Variants in CEP70 observed in about 807,000 individuals in gnomAD.
The protein encoded by CEP70 is centrosomal protein 70, also known as centrosomal protein of 70 kDa.
A neutral mutation model predicts 90.9 loss-of-function variants in CEP70; 70 were observed. That is an observed-to-expected ratio of 0.77 (90% CI 0.64 to 0.94). The LOEUF is 0.94. Among genes scored for constraint, CEP70 ranks in the 40% least tolerant of loss-of-function variants. CEP70 has a pLI of 0.00. For missense variants in CEP70, 648 were observed against 669.0 expected (o/e 0.97, Z 0.35); for synonymous variants, 220 against 228.3 (o/e 0.96, Z 0.33).
chr3:138,581,162 G>A (rs1297380078), intron 2 of CEP70, among the ~76,000 whole-genome samples: 1 of 151,846 alleles, frequency 6.6e-6, no homozygotes, highest in East Asian at 1.9e-4. Flanking sequence ...GCGTGTGCCA[G>A]TAATCCCAGC....
At chr3:138,527,370 G>T (rs978961039) in intron 10 of CEP70, among the ~76,000 whole-genome samples, 2 of 150,670 alleles carry the variant, frequency 1.3e-5, no homozygotes, top group Non-Finnish European at 3.0e-5. Flanking sequence ...ATGAATTTGC[G>T]TGTCATCCTT....
intron 2 of CEP70, among the ~76,000 whole-genome samples, chr3:138,589,526 C>T (rs1368910543): frequency 1.3e-5 from 2 of 151,348 alleles, no homozygotes; most frequent in African/African-American, 4.9e-5. Flanking sequence ...GGTGTGGCAG[C>T]ATACACCTGT....
chr3:138,498,424 G>A (rs2034149475), intron 16 of CEP70, among the ~76,000 whole-genome samples: 3 of 147,642 alleles, frequency 2.0e-5, no homozygotes, highest in Admixed American at 6.9e-5. Context: ...TGCAAGCTCC[G>A]CCTCCCGGGT....
intron 6 of CEP70, among the ~76,000 whole-genome samples, chr3:138,542,270 G>A (rs1185953462): frequency 4.6e-5 from 7 of 152,186 alleles, no homozygotes; most frequent in Non-Finnish European, 7.3e-5. Context: ...AGCAGCTTCC[G>A]CTGTGGGCAC....
chr3:138,507,685 G>A (rs2035110288), intron 12 of CEP70, among the ~76,000 whole-genome samples: 2 of 152,088 alleles, frequency 1.3e-5, no homozygotes, highest in Admixed American at 6.5e-5. Context: ...GAGAATTCAG[G>A]TACGAGTATA....
At position 138,571,095 on chromosome 3, in the gene CEP70, C is replaced by T; in HGVS notation, c.223G>A (p.Glu75Lys). The T allele has an allele frequency of 6.2e-7, 1 of 1,605,824 alleles. No homozygotes were observed. The highest frequency in any genetic ancestry group is 8.5e-7 in the Non-Finnish European group (1 of 1,173,810). ...RMRQNLKLLV[E>K]ETSCQQNMIQ... ...ATGTTCTGTTGACATGATGTTTCTT[C>T]CACCAACAATTTCAAATTCTGTCTC... The change falls in exon 5 of 18, where the codon GAA becomes AAA. Residue 75 changes from glutamate to lysine, a missense_variant. Glu to Lys is a moderately conservative substitution (Grantham distance 56, BLOSUM62 1). Transcript: ENST00000264982.
At chr3:138,580,721 C>T (rs528418477) in intron 2 of CEP70, among the ~76,000 whole-genome samples, 7 of 152,060 alleles carry the variant, frequency 4.6e-5, no homozygotes, top group Non-Finnish European at 1.0e-4. Context: ...TGTGACCTTT[C>T]AGATAGAATT....
chr3:138,590,587 G>A (rs2042331469), intron 2 of CEP70, among the ~76,000 whole-genome samples: 1 of 151,700 alleles, frequency 6.6e-6, no homozygotes, highest in South Asian at 2.1e-4. Context: ...AAAACTAGGA[G>A]GCCAGGCTCA....
At chr3:138,532,201 C>A (rs1167542085) in intron 8 of CEP70, among the ~76,000 whole-genome samples, 2 of 152,092 alleles carry the variant, frequency 1.3e-5, no homozygotes, top group African/African-American at 2.4e-5. Context: ...TGCGGATATA[C>A]TTGGTAACTA....
intron 11 of CEP70, among the ~76,000 whole-genome samples, chr3:138,518,655 G>A (rs2036297863): frequency 6.6e-6 from 1 of 152,314 alleles, no homozygotes; most frequent in Middle Eastern, 3.4e-3. Context: ...CAAACAGGAA[G>A]GACATCCACA....
chr3:138,520,965 C>G lies in CEP70; in HGVS notation c.944+4525G>C, dbSNP rs375242233. ...CTGGGATTGCAGGTGTGCGCTGCCACGCCTGACTGGTTTTTGTATTTTTTG... is the reference window on the plus strand; with the variant it reads ...CTGGGATTGCAGGTGTGCGCTGCCAGGCCTGACTGGTTTTTGTATTTTTTG... On this transcript the variant is annotated intron_variant, in intron 11 of 17. Coordinates refer to ENST00000264982, the MANE Select transcript of CEP70 (RefSeq NM_024491.4). 2.0e-5 allele frequency among the ~76,000 whole-genome samples: 3 copies of G among 152,292 alleles called. No individual in the cohort carries two copies. The South Asian group carries it at 6.2e-4, about 32-fold the overall frequency.
intron 6 of CEP70, among the ~76,000 whole-genome samples, chr3:138,558,175 G>A (rs1315358583): frequency 6.6e-6 from 1 of 152,190 alleles, no homozygotes; most frequent in Non-Finnish European, 1.5e-5. Context: ...GACTAGCCTG[G>A]CCAACATGGT....
At chr3:138,535,412 T>C (rs2038178823) in intron 7 of CEP70, among the ~76,000 whole-genome samples, 1 of 152,184 alleles carries the variant, frequency 6.6e-6, no homozygotes. Flanking sequence ...CACTATCTGC[T>C]TTATATTTTA....
chr3:138,566,107 A>C (rs1014002542), intron 6 of CEP70, among the ~76,000 whole-genome samples: 1 of 152,242 alleles, frequency 6.6e-6, no homozygotes, highest in Non-Finnish European at 1.5e-5. Flanking sequence ...AGAGAAATGC[A>C]AATCAAAATC....
chr3:138,495,099 A>G (rs772607656), intron 17 of CEP70, 23 bp from the exon 18 acceptor site: 29 of 1,437,906 alleles, frequency 2.0e-5, no homozygotes, highest in Admixed American at 5.2e-5. Context: ...AACAGTAATA[A>G]TAAAAGAGAG....
intron 6 of CEP70, among the ~76,000 whole-genome samples, chr3:138,559,592 G>T (rs1357791917): frequency 6.6e-6 from 1 of 152,164 alleles, no homozygotes; most frequent in African/African-American, 2.4e-5. Context: ...AATTAGCTGG[G>T]TGCACACCTG....
intron 11 of CEP70, among the ~76,000 whole-genome samples, chr3:138,516,120 G>C (rs1277010264): frequency 6.6e-6 from 1 of 152,072 alleles, no homozygotes; most frequent in African/African-American, 2.4e-5. Flanking sequence ...TGTACGTTTA[G>C]TACTTATAGC....
At position 138,541,796 on chromosome 3, in the gene CEP70, C is replaced by G. The variant is rs561928575; in HGVS notation, c.466-4449G>C. 1.3e-3 allele frequency among the ~76,000 whole-genome samples: 195 copies of G among 152,260 alleles called. 1 individual carries two copies. The highest frequency in any genetic ancestry group is 3.9e-3 in the African/African-American group (164 of 41,544). Reference sequence around the variant, plus strand: ...CAGCACTTTGGGAGGCAGAGGCAGGCAGATTGCTTGAGCTCAGGAATTTGA... The same window carrying G: ...CAGCACTTTGGGAGGCAGAGGCAGGGAGATTGCTTGAGCTCAGGAATTTGA... On this transcript the variant is annotated intron_variant, in intron 6 of 17. Coordinates refer to ENST00000264982, the MANE Select transcript of CEP70 (RefSeq NM_024491.4).
At chr3:138,527,311 C>G (rs1009099484) in intron 10 of CEP70, among the ~76,000 whole-genome samples, 1 of 149,804 alleles carries the variant, frequency 6.7e-6, no homozygotes, top group African/African-American at 2.4e-5. Flanking sequence ...TGCAGGAGTA[C>G]GCTACCATGC....
Sources: allele counts gnomAD v4.1 joint callset (sites outside exome capture counted in the v4.1 genomes callset), GRCh38; gene constraint gnomAD v4.1.1; transcripts MANE v1.5; gene names NCBI Gene and HGNC (gene_info 2026-07-23, HGNC 2026-07-21).